Variants in ALK observed in about 807,000 individuals in gnomAD.
ALK encodes ALK receptor tyrosine kinase, also known as ALK tyrosine kinase receptor.
ALK carries 74 observed loss-of-function variants against 163.1 expected under a neutral mutation model. The observed-to-expected ratio is 0.45, with a 90% CI of 0.38 to 0.55. The LOEUF (loss-of-function observed/expected upper bound fraction) is 0.55. Ranked by LOEUF, ALK falls within the 20% of genes least tolerant of loss-of-function variation. ALK has a pLI of 0.00. For missense variants in ALK, 2,063 were observed against 2,105.3 expected, an observed-to-expected ratio of 0.98 and a Z score of 0.39; for synonymous variants, 960 against 843.2, an observed-to-expected ratio of 1.14 and a Z score of -2.40.
chr2:29,825,707 T>TTG (rs201934764), intron 1 of ALK, among the ~76,000 whole-genome samples: 125 of 121,528 alleles, frequency 1.0e-3, no homozygotes, highest in Admixed American at 2.4e-3. Flanking sequence ...AAAGATCATT[T>TTG]TGTGTGTTTT....
intron 1 of ALK, among the ~76,000 whole-genome samples, chr2:29,826,374 T>C (rs1448820430): frequency 6.6e-6 from 1 of 151,366 alleles, no homozygotes; most frequent in Non-Finnish European, 1.5e-5. Context: ...CTTTGATATA[T>C]CACAATGACA....
chr2:29,273,000 G>T (rs1303850043), intron 11 of ALK, among the ~76,000 whole-genome samples: 1 of 152,224 alleles, frequency 6.6e-6, no homozygotes, highest in East Asian at 1.9e-4. Context: ...ACAAGCTGTT[G>T]TGTGAAATAA....
intron 1 of ALK, among the ~76,000 whole-genome samples, chr2:29,764,032 C>T (rs890048527): frequency 6.6e-6 from 1 of 152,122 alleles, no homozygotes; most frequent in African/African-American, 2.4e-5. Context: ...GAGGACAAAC[C>T]CTCAGAGACA....
intron 1 of ALK, among the ~76,000 whole-genome samples, chr2:29,758,072 C>T (rs894174621): frequency 1.8e-4 from 27 of 146,040 alleles, no homozygotes; most frequent in African/African-American, 6.9e-4. Flanking sequence ...GTGTAGTGGC[C>T]TGATCTTGGC....
At chr2:29,275,680 T>A (rs1234169281) in intron 9 of ALK, among the ~76,000 whole-genome samples, 184 bp from the exon 10 acceptor site, 2 of 152,194 alleles carry the variant, frequency 1.3e-5, no homozygotes, top group Non-Finnish European at 2.9e-5. Flanking sequence ...TGCAGAGCAC[T>A]TCCCCTTCCG....
chr2:29,699,498 A>C (rs2631962), intron 2 of ALK, among the ~76,000 whole-genome samples: 2 of 152,094 alleles, frequency 1.3e-5, no homozygotes, highest in Non-Finnish European at 2.9e-5. Context: ...CAGAATCTCA[A>C]TTTAGGGCTG....
At chr2:29,336,715 C>T (rs1667624739) in intron 5 of ALK, among the ~76,000 whole-genome samples, 1 of 152,240 alleles carries the variant, frequency 6.6e-6, no homozygotes, top group Non-Finnish European at 1.5e-5. Flanking sequence ...ACACAACTCT[C>T]CTAACGCAAA....
intron 1 of ALK, among the ~76,000 whole-genome samples, chr2:29,876,633 G>A (rs984564994): frequency 4.0e-5 from 6 of 151,600 alleles, no homozygotes; most frequent in South Asian, 2.1e-4. Context: ...TGGTGATGGC[G>A]GTGATGGTGA....
At chr2:29,260,736 A>C (rs1338402236) in intron 11 of ALK, among the ~76,000 whole-genome samples, 1 of 152,056 alleles carries the variant, frequency 6.6e-6, no homozygotes, top group Non-Finnish European at 1.5e-5. Context: ...TGGGAGGCTG[A>C]GGCAGGTGAA....
intron 4 of ALK, among the ~76,000 whole-genome samples, chr2:29,456,883 T>A (rs1333380244): frequency 6.6e-6 from 1 of 152,154 alleles, no homozygotes; most frequent in East Asian, 1.9e-4. Context: ...ATATACAATT[T>A]ATACAGAGTG....
chr2:29,588,719 C>T (rs373469154), intron 3 of ALK, among the ~76,000 whole-genome samples: 2 of 152,154 alleles, frequency 1.3e-5, no homozygotes, highest in African/African-American at 4.8e-5. Context: ...TGGCCACAGA[C>T]AATATGTAAG....
chr2:29,201,795 AAAAT>A (rs1669187735), intron 26 of ALK, among the ~76,000 whole-genome samples: 1 of 151,946 alleles, frequency 6.6e-6, no homozygotes. Flanking sequence ...AAAAAAAAAA[AAAAT>A]CTTGAATCTG....
chr2:29,233,755 C>T, intron 13 of ALK, 59 bp from the exon 14 acceptor site: 1 of 1,610,578 alleles, frequency 6.2e-7, no homozygotes, highest in Non-Finnish European at 8.5e-7. Flanking sequence ...CACTTTGCAG[C>T]AGACAGAACT....
intron 1 of ALK, among the ~76,000 whole-genome samples, chr2:29,798,381 G>T (rs1368672207): frequency 6.6e-6 from 1 of 152,184 alleles, no homozygotes; most frequent in Admixed American, 6.5e-5. Context: ...GAAATCTAAG[G>T]AATTAGAATT....
At chr2:29,288,365 C>G (rs984609293) in intron 9 of ALK, among the ~76,000 whole-genome samples, 11 of 152,186 alleles carry the variant, frequency 7.2e-5, no homozygotes, top group African/African-American at 2.7e-4. Context: ...ACACCCATAT[C>G]CCTCTCTGGA....
rs140864403 is a variant in ALK at position 29,580,646 on chromosome 2, G to C, written c.953-48530C>G. Among the ~76,000 whole-genome samples, 177 of 152,320 alleles carry C rather than the reference G, an allele frequency of 1.2e-3. 1 individual carries two copies. Among genetic ancestry groups the C allele is most frequent in the Non-Finnish European group, 2.0e-3 (139 of 68,022 alleles). On this transcript the variant is annotated intron_variant, in intron 3 of 28. Coordinates refer to ENST00000389048, the MANE Select transcript of ALK (RefSeq NM_004304.5). ...AGGAAGATGAGCAACATGTGGCACC[G>C]ATCATGTAGGTGCAAGGGCTGTGAT...
chr2:29,425,233 C>A (rs1429963039), intron 4 of ALK, among the ~76,000 whole-genome samples: 1 of 152,146 alleles, frequency 6.6e-6, no homozygotes, highest in East Asian at 1.9e-4. Context: ...GGGACCATGA[C>A]CTGCTCTCTC....
chr2:29,513,496 A>G (rs1672579155), intron 4 of ALK, among the ~76,000 whole-genome samples: 1 of 149,230 alleles, frequency 6.7e-6, no homozygotes, highest in Admixed American at 6.7e-5. Context: ...ACAAAAATCA[A>G]TTCAAGATGG....
chr2:29,387,794 C>T (rs1252043439), intron 4 of ALK, among the ~76,000 whole-genome samples: 1 of 152,100 alleles, frequency 6.6e-6, no homozygotes, highest in Non-Finnish European at 1.5e-5. Flanking sequence ...TCAGTTTCAC[C>T]CTCCTTGGAG....
Sources: allele counts gnomAD v4.1 joint callset (sites outside exome capture counted in the v4.1 genomes callset), GRCh38; gene constraint gnomAD v4.1.1; transcripts MANE v1.5; gene names NCBI Gene and HGNC (gene_info 2026-07-23, HGNC 2026-07-21).